WDR70: variants seen among roughly 807,000 people sequenced by gnomAD.
WDR70 encodes the protein WD repeat domain 70, also known as WD repeat-containing protein 70.
WDR70 carries 53 observed loss-of-function variants against 88.6 expected under a neutral mutation model. The ratio of observed to expected loss-of-function variants is 0.60; its 90% CI spans 0.48 to 0.75. The LOEUF (loss-of-function observed/expected upper bound fraction) is 0.75, where lower values mean the gene tolerates loss of function less well. WDR70 is among the 30% of genes least tolerant of loss of function. The pLI, the probability that WDR70 is intolerant of heterozygous loss-of-function variation, is 0.00. For missense variants in WDR70, 610 were observed against 823.2 expected, an observed-to-expected ratio of 0.74 and a Z score of 3.17; for synonymous variants, 280 against 270.0, an observed-to-expected ratio of 1.04 and a Z score of -0.36.
chr5:37,683,287 C>T (rs1048570395), intron 10 of WDR70, among the ~76,000 whole-genome samples: 1 of 152,172 alleles, frequency 6.6e-6, no homozygotes, highest in Non-Finnish European at 1.5e-5. Context: ...CAGCTTGCCA[C>T]TCTGTGCCTT....
At chr5:37,413,791 CTA>C (rs1238886830) in intron 5 of WDR70, among the ~76,000 whole-genome samples, 2 of 150,646 alleles carry the variant, frequency 1.3e-5, no homozygotes, top group Admixed American at 6.6e-5. Context: ...ATATTGAAGT[CTA>C]TAAAGTTGAA....
At chr5:37,483,928 G>A (rs1189933784) in intron 8 of WDR70, among the ~76,000 whole-genome samples, 15 of 151,788 alleles carry the variant, frequency 9.9e-5, no homozygotes, top group Admixed American at 2.6e-4. Flanking sequence ...GGTCGCGGCC[G>A]GGCAGAGGCG....
At chr5:37,443,586 C>T (rs1308117842) in intron 7 of WDR70, among the ~76,000 whole-genome samples, 1 of 152,184 alleles carries the variant, frequency 6.6e-6, no homozygotes, top group Non-Finnish European at 1.5e-5. Flanking sequence ...GGCGCGGTGG[C>T]TCACACTTGT....
At chr5:37,512,506 A>G (rs1450670753) in intron 8 of WDR70, among the ~76,000 whole-genome samples, 1 of 151,904 alleles carries the variant, frequency 6.6e-6, no homozygotes, top group Non-Finnish European at 1.5e-5. Context: ...GGTGTGAGCC[A>G]CCACGCCCAG....
intron 17 of WDR70, among the ~76,000 whole-genome samples, chr5:37,741,236 CTTTTTT>C (rs5867363): frequency 2.2e-5 from 3 of 138,456 alleles, no homozygotes; most frequent in Non-Finnish European, 3.1e-5. Flanking sequence ...GAGCCTAGTT[CTTTTTT>C]TTTTTTTTTT....
chr5:37,555,967 C>T (rs549383288), intron 9 of WDR70, among the ~76,000 whole-genome samples: 10 of 152,252 alleles, frequency 6.6e-5, no homozygotes, highest in African/African-American at 2.4e-4. Flanking sequence ...GATCCACCAG[C>T]CTCAGCTTCC....
intron 9 of WDR70, among the ~76,000 whole-genome samples, chr5:37,519,627 G>A (rs1186174183): frequency 4.3e-5 from 6 of 140,126 alleles, no homozygotes; most frequent in African/African-American, 1.6e-4. Context: ...GGGCGGAGGC[G>A]CTCCTCACCT....
intron 10 of WDR70, among the ~76,000 whole-genome samples, chr5:37,633,028 C>T (rs890690001): frequency 6.6e-6 from 1 of 152,144 alleles, no homozygotes; most frequent in Non-Finnish European, 1.5e-5. Flanking sequence ...CTGTAGTACT[C>T]AGTATAGTAA....
intron 9 of WDR70, among the ~76,000 whole-genome samples, chr5:37,519,484 A>G (rs544195707): frequency 2.7e-3 from 252 of 92,826 alleles, no homozygotes; most frequent in Non-Finnish European, 3.0e-3. Context: ...AGGCGCTCCT[A>G]CATCCCAGAC....
At chr5:37,497,203 G>A (rs1356106569) in intron 8 of WDR70, among the ~76,000 whole-genome samples, 44 of 98,476 alleles carry the variant, frequency 4.5e-4, no homozygotes, top group African/African-American at 1.7e-3. Context: ...CCCTGCCTCC[G>A]TCCTCCCTCC....
At chr5:37,437,847 C>A in intron 5 of WDR70, 75 bp from the exon 6 acceptor site, 2 of 1,365,016 alleles carry the variant, frequency 1.5e-6, no homozygotes, top group Non-Finnish European at 9.9e-7. Flanking sequence ...AATTGTATTT[C>A]CTGTGAAATG....
At chr5:37,579,648 A>AT (rs1743163672) in intron 9 of WDR70, among the ~76,000 whole-genome samples, 1 of 151,150 alleles carries the variant, frequency 6.6e-6, no homozygotes, top group Non-Finnish European at 1.5e-5. Context: ...TAAAATATAG[A>AT]TTTAATTATT....
intron 9 of WDR70, among the ~76,000 whole-genome samples, chr5:37,539,174 T>G (rs1581377866): frequency 6.6e-6 from 1 of 152,226 alleles, no homozygotes; most frequent in East Asian, 1.9e-4. Context: ...TTTACATCTT[T>G]GATGTAATAA....
At chr5:37,431,463 C>T (rs562671589) in intron 5 of WDR70, among the ~76,000 whole-genome samples, 25 of 152,014 alleles carry the variant, frequency 1.6e-4, no homozygotes, top group Non-Finnish European at 3.2e-4. Context: ...TAATAGGCTT[C>T]CCTGTGCTTA....
chr5:37,379,547 G>A lies in WDR70; in HGVS notation c.84G>A (p.Thr28=), dbSNP rs1748355512. 1 of 1,613,960 alleles carries A rather than the reference G, an allele frequency of 6.2e-7. No individual in the cohort carries two copies. ...AGCTTGCGGTCACCATGGGCTTCAC[G>A]GGGTTCGGTGAGTGACTGCCCCAGG... ...DPQLAVTMGF[T]GFGKKARTFD... Residue 28 remains threonine, a synonymous_variant, in exon 2 of 18, where the codon ACG becomes ACA. Transcript: ENST00000265107.
At chr5:37,510,374 C>A (rs147435440) in intron 8 of WDR70, among the ~76,000 whole-genome samples, 1 of 152,218 alleles carries the variant, frequency 6.6e-6, no homozygotes, top group African/African-American at 2.4e-5. Flanking sequence ...TAGTTTTCAG[C>A]TTTTGAAAGT....
chr5:37,614,589 T>G (rs1032386643), intron 10 of WDR70, among the ~76,000 whole-genome samples: 3 of 152,156 alleles, frequency 2.0e-5, no homozygotes, highest in Admixed American at 6.6e-5. Context: ...GTCCATAAAT[T>G]TTATTATAAC....
chr5:37,752,549 AG>A lies in WDR70; in HGVS notation c.1942del (p.Glu648AsnfsTer33). On this transcript the variant is annotated frameshift_variant, in exon 18 of 18. Transcript: ENST00000265107. LOFTEE classifies it high-confidence loss of function. Reference protein sequence around the residue: ...SDDEEAKNEPEWKKRKI With the variant: ...SDDEEAKNEPXWKKRKI ...ATGATGAGGAAGCAAAGAATGAGCC[AG>A]AATGGAAAAAACGTAAAATTTGAAG... 6.2e-7 allele frequency: 1 copy of A among 1,613,028 alleles called. No individual in the cohort carries two copies. The highest frequency in any genetic ancestry group is 8.5e-7 in the Non-Finnish European group (1 of 1,179,390).
chr5:37,502,941 C>T (rs1425705212), intron 8 of WDR70, among the ~76,000 whole-genome samples: 2 of 152,298 alleles, frequency 1.3e-5, no homozygotes, highest in Middle Eastern at 3.4e-3. Flanking sequence ...TAGGCCCCAC[C>T]ATCAGCACTG....
Sources: gnomAD v4.1 joint callset for allele counts (sites outside exome capture counted in the v4.1 genomes callset) on GRCh38, gnomAD v4.1.1 for gene constraint, MANE v1.5 for transcripts, NCBI Gene and HGNC (gene_info 2026-07-23, HGNC 2026-07-21) for gene names.